The following RGS12 variants were observed in gnomAD, a reference collection of about 807,000 sequenced individuals.
RGS12 encodes regulator of G-protein signaling 12.
A neutral mutation model predicts 120.1 loss-of-function variants in RGS12; 66 were observed. The observed-to-expected ratio is 0.55, with a 90% CI of 0.45 to 0.67. The LOEUF (loss-of-function observed/expected upper bound fraction) is 0.67. Ranked by LOEUF, RGS12 falls within the 30% of genes least tolerant of loss-of-function variation. The pLI, the probability that RGS12 is intolerant of heterozygous loss-of-function variation, is 0.00. For synonymous variants in RGS12, 827 were observed against 804.7 expected (o/e 1.03, Z -0.47); for missense variants, 1,859 against 1,957.7 (o/e 0.95, Z 0.95).
At chr4:3,375,768 C>A (rs1213606095) in intron 3 of RGS12, among the ~76,000 whole-genome samples, 1 of 151,296 alleles carries the variant, frequency 6.6e-6, no homozygotes, top group South Asian at 2.1e-4. Flanking sequence ...TCTCCAGCCT[C>A]ATCTCCAGCA....
chr4:3,287,700 G>A, the RGS12 span, among the ~76,000 whole-genome samples: 5 of 152,256 alleles, frequency 3.3e-5, no homozygotes, highest in African/African-American at 1.2e-4. Context: ...TTAACTTTGT[G>A]TATTCTGGTT....
chr4:3,370,841 T>C (rs1443215217), intron 3 of RGS12, among the ~76,000 whole-genome samples: 1 of 152,220 alleles, frequency 6.6e-6, no homozygotes, highest in Non-Finnish European at 1.5e-5. Context: ...TTGAAGTTAC[T>C]CTAAAATGGC....
At chr4:3,357,016 C>T (rs1714961145) in intron 3 of RGS12, among the ~76,000 whole-genome samples, 1 of 152,132 alleles carries the variant, frequency 6.6e-6, no homozygotes, top group African/African-American at 2.4e-5. Context: ...AATGACAGTG[C>T]ACAAGGTTTC....
intron 3 of RGS12, among the ~76,000 whole-genome samples, chr4:3,349,308 A>G (rs908552172): frequency 1.3e-5 from 2 of 152,136 alleles, no homozygotes; most frequent in Admixed American, 1.3e-4. Context: ...TTTGTTCTGT[A>G]CTTCCTCTTT....
chr4:3,401,176 C>T (rs73792007), intron 4 of RGS12, among the ~76,000 whole-genome samples: 11,487 of 152,128 alleles, frequency 0.076, 1,107 homozygotes, highest in African/African-American at 0.23. Context: ...GGTAAAAATG[C>T]TTTAAAAATT....
chr4:3,306,522 G>C (rs1031880411), intron 1 of RGS12, among the ~76,000 whole-genome samples: 1 of 152,200 alleles, frequency 6.6e-6, no homozygotes, highest in Non-Finnish European at 1.5e-5. Flanking sequence ...TGAATATTTG[G>C]GCTCCTGTCC....
At chr4:3,412,490 A>G (rs1721846665) in intron 4 of RGS12, among the ~76,000 whole-genome samples, 1 of 152,106 alleles carries the variant, frequency 6.6e-6, no homozygotes, top group Non-Finnish European at 1.5e-5. Context: ...GATGTGTTCT[A>G]TTTGCTGGCC....
At chr4:3,303,510 T>C (rs1723799568) in intron 1 of RGS12, among the ~76,000 whole-genome samples, 1 of 152,226 alleles carries the variant, frequency 6.6e-6, no homozygotes, top group Non-Finnish European at 1.5e-5. Flanking sequence ...CTTCATGGAC[T>C]CTGGGTCCTT....
rs1724778348 is a variant in RGS12, at chr4:3,316,679, C to G, written c.509C>G (p.Ser170Cys). The G allele has an allele frequency of 1.9e-6, 3 of 1,613,932 alleles. No homozygotes were observed. The highest frequency in any genetic ancestry group is 2.5e-6 in the Non-Finnish European group (3 of 1,180,018). ...GAGCCCTTGAAATTGAAACAAAGAT[C>G]CCTTTCAGAGTCGGCCGCAACTCGA... ...NSEPLKLKQR[S>C]LSESAATRFD... The change falls in exon 2 of 18, where the codon TCC becomes TGC. Residue 170 changes from serine to cysteine, a missense_variant. Coordinates refer to ENST00000336727, the MANE Select transcript of RGS12 (RefSeq NM_001394154.1).
chr4:3,351,609 G>T (rs1465552647), intron 3 of RGS12, among the ~76,000 whole-genome samples: 1 of 152,104 alleles, frequency 6.6e-6, no homozygotes, highest in Non-Finnish European at 1.5e-5. Flanking sequence ...CTTAATGCTG[G>T]CAGAAAAGTC....
At chr4:3,323,225 G>A (rs1274852160) in intron 2 of RGS12, among the ~76,000 whole-genome samples, 1 of 152,256 alleles carries the variant, frequency 6.6e-6, no homozygotes, top group Non-Finnish European at 1.5e-5. Context: ...CCTCGCTCGT[G>A]TTGGTGCAGT....
At chr4:3,410,176 G>A (rs918832524) in intron 4 of RGS12, among the ~76,000 whole-genome samples, 1 of 152,216 alleles carries the variant, frequency 6.6e-6, no homozygotes, top group Non-Finnish European at 1.5e-5. Context: ...ATAAAATATA[G>A]CAAGGTTAGC....
intron 6 of RGS12, among the ~76,000 whole-genome samples, 159 bp downstream of exon 6, chr4:3,415,003 TGAGGGGCGTGTGTGA>T (rs1490465354): frequency 2.7e-5 from 3 of 112,590 alleles, no homozygotes; most frequent in Non-Finnish European, 3.6e-5. Context: ...GAGGGGCGTG[TGAGGGGCGTGTGTGA>T]GAGGGGCGTG....
At position 3,439,607 on chromosome 4, in the gene RGS12, G is replaced by C. The variant is rs1426865062; in HGVS notation, c.4267G>C (p.Asp1423His). ...GGCCAGTGGTGGGCCTCCTACATCA[G>C]ACCTCCCTGGCTTGGGCCCCGTCCC... ...SQASGGPPTS[D>H]LPGLGPVPGE... The change falls in exon 18 of 18, where the codon GAC becomes CAC. Residue 1423 changes from aspartate to histidine, a missense_variant. Physicochemically the swap from Asp to His is moderately conservative, Grantham distance 81 (BLOSUM62 -1). Transcript: ENST00000336727. 6.2e-7 allele frequency: 1 copy of C among 1,607,616 alleles called. No homozygotes were observed. Among genetic ancestry groups the C allele is most frequent in the Admixed American group, 1.7e-5 (1 of 59,646 alleles).
intron 3 of RGS12, among the ~76,000 whole-genome samples, chr4:3,379,005 A>ATGTG (rs3138719): frequency 0.018 from 2,599 of 146,534 alleles, 32 homozygotes; most frequent in African/African-American, 0.039. Context: ...GAAATGTGCG[A>ATGTG]TGTGTGTGTG....
In RGS12 at chr4:3,422,589, C is replaced by T; in HGVS notation, c.3033+19C>T. ...GGACAAGGTACTGGGCCCGCCTGAC[C>T]CTCGTGCTGCCCTCAGGCCATGACC... On this transcript the variant is annotated intron_variant, in intron 11 of 17. Transcript: ENST00000336727. 3 of 1,603,688 alleles carry T rather than the reference C, an allele frequency of 1.9e-6. No individual in the cohort carries two copies. In the African/African-American group the frequency reaches 4.0e-5, roughly 21 times the overall value.
At chr4:3,310,799 G>A (rs572107488) in intron 1 of RGS12, among the ~76,000 whole-genome samples, 68 of 152,258 alleles carry the variant, frequency 4.5e-4, no homozygotes, top group Admixed American at 3.9e-3. Flanking sequence ...AGGCGCCTGC[G>A]GGGGCAGGTC....
intron 3 of RGS12, among the ~76,000 whole-genome samples, chr4:3,368,610 CTG>C (rs1378894909): frequency 5.1e-5 from 4 of 79,192 alleles, no homozygotes; most frequent in Non-Finnish European, 9.3e-5. Context: ...GTGTGGGTAC[CTG>C]TGTGTGGGGG....
At chr4:3,298,005 G>A (rs555092504) in intron 1 of RGS12, among the ~76,000 whole-genome samples, 17 of 151,888 alleles carry the variant, frequency 1.1e-4, no homozygotes, top group African/African-American at 3.6e-4. Context: ...TGATTTTTTC[G>A]GAATTTTGAA....
Sources: gnomAD v4.1 joint callset for allele counts (sites outside exome capture counted in the v4.1 genomes callset) on GRCh38, gnomAD v4.1.1 for gene constraint, MANE v1.5 for transcripts, NCBI Gene and HGNC (gene_info 2026-07-23, HGNC 2026-07-21) for gene names.